SUPT3H: variants seen among roughly 807,000 people sequenced by gnomAD.
The protein encoded by SUPT3H is transcription initiation protein SPT3 homolog.
SUPT3H carries 44 observed loss-of-function variants against 44.3 expected under a neutral mutation model. The ratio of observed to expected loss-of-function variants is 0.99; its 90% CI spans 0.78 to 1.28. The LOEUF (loss-of-function observed/expected upper bound fraction) is 1.28. Among genes scored for constraint, SUPT3H ranks in the 50% most tolerant of loss-of-function variants. SUPT3H has a pLI of 0.00. For missense variants in SUPT3H, 380 were observed against 387.1 expected (o/e 0.98, Z 0.15); for synonymous variants, 124 against 125.6 (o/e 0.99, Z 0.09).
At chr6:45,099,351 TAA>T (rs34067326) in intron 3 of SUPT3H, 5,530 of 149,226 alleles carry the variant, frequency 0.037, 112 homozygotes, top group African/African-American at 0.05. Flanking sequence ...GTGTTTTTCT[TAA>T]AAAAAAAAAA....
At chr6:45,287,309 T>G (rs1001674522) in intron 2 of SUPT3H, among the ~76,000 whole-genome samples, 1 of 151,966 alleles carries the variant, frequency 6.6e-6, no homozygotes, top group Admixed American at 6.6e-5. Context: ...ATATCGGTAC[T>G]CTGATGTTCA....
chr6:45,109,538 G>A (rs1799750747), intron 2 of SUPT3H, among the ~76,000 whole-genome samples: 1 of 151,990 alleles, frequency 6.6e-6, no homozygotes, highest in Non-Finnish European at 1.5e-5. Context: ...ACACTGTAAA[G>A]TAAGTACCTA....
At chr6:45,155,885 T>C (rs1202656535) in intron 2 of SUPT3H, among the ~76,000 whole-genome samples, 5 of 152,126 alleles carry the variant, frequency 3.3e-5, no homozygotes, top group Admixed American at 3.3e-4. Context: ...CACTTATATA[T>C]AAATGATAGG....
chr6:44,829,573 C>A lies in SUPT3H; in HGVS notation c.*243G>T. ...ATTTCAAAACTGTGTGATCTGCATT[C>A]TTGTCCACCTACAGACTATCCTAAA... On this transcript the variant is annotated 3_prime_UTR_variant, in exon 11 of 11. Transcript: ENST00000371459. 1 of 427,726 alleles carries A rather than the reference C, an allele frequency of 2.3e-6. No homozygotes were observed. Among genetic ancestry groups the A allele is most frequent in the Non-Finnish European group, 4.2e-6 (1 of 239,002 alleles). The allele number at this position is 427,726 out of a possible 1,614,324, so 26.5% of individuals were successfully genotyped here.
At chr6:44,897,793 A>C (rs1171986221) in intron 10 of SUPT3H, among the ~76,000 whole-genome samples, 2 of 152,110 alleles carry the variant, frequency 1.3e-5, no homozygotes, top group Admixed American at 1.3e-4. Context: ...CCCCCAGTTA[A>C]GGGTATCTTT....
intron 6 of SUPT3H, among the ~76,000 whole-genome samples, chr6:44,964,464 T>C (rs900932194): frequency 7.2e-5 from 11 of 152,176 alleles, no homozygotes; most frequent in Admixed American, 2.0e-4. Context: ...TATGCTTACA[T>C]AGCTGATGTA....
At chr6:45,084,484 A>C (rs1796235773) in intron 3 of SUPT3H, among the ~76,000 whole-genome samples, 1 of 152,176 alleles carries the variant, frequency 6.6e-6, no homozygotes, top group African/African-American at 2.4e-5. Context: ...GCGAGGCTGC[A>C]AAGAAAAAGA....
chr6:45,175,626 T>A (rs1029562356), intron 2 of SUPT3H, among the ~76,000 whole-genome samples: 2 of 152,132 alleles, frequency 1.3e-5, no homozygotes, highest in Non-Finnish European at 2.9e-5. Flanking sequence ...ACTCATGAGT[T>A]TATTAAATAA....
chr6:44,829,119 G>C lies in SUPT3H; in HGVS notation c.*697C>G, dbSNP rs1768157517. 1 of 152,412 alleles carries C rather than the reference G, an allele frequency of 6.6e-6. No individual in the cohort carries two copies. The highest frequency in any genetic ancestry group is 2.4e-5 in the African/African-American group (1 of 41,452). 9.4% of individuals were successfully genotyped at this position (152,412 alleles called of 1,614,324 possible). A position where few individuals can be genotyped will look rare whatever the true frequency, so the allele number is the denominator to read the frequency against. On this transcript the variant is annotated 3_prime_UTR_variant, in exon 11 of 11. Transcript: ENST00000371459. ...GTGTATGGCATGTGCAGGAGTGGTG[G>C]ATCTGGGGATTGGAGGAACAGGAAA...
chr6:45,114,624 C>A (rs78351964), intron 2 of SUPT3H, among the ~76,000 whole-genome samples: 1 of 152,108 alleles, frequency 6.6e-6, no homozygotes, highest in Non-Finnish European at 1.5e-5. Flanking sequence ...ACAAAACTAG[C>A]AGAATATCTT....
At chr6:44,872,566 G>A (rs1221675083) in intron 10 of SUPT3H, among the ~76,000 whole-genome samples, 3 of 151,916 alleles carry the variant, frequency 2.0e-5, no homozygotes, top group East Asian at 1.9e-4. Context: ...AAAGACCATC[G>A]AGGCTAGGAA....
At chr6:44,952,481 CAG>C (rs200840646) in intron 9 of SUPT3H, among the ~76,000 whole-genome samples, 2,764 of 152,254 alleles carry the variant, frequency 0.018, 79 homozygotes, top group African/African-American at 0.062. Context: ...GGCTATAAAA[CAG>C]AGCTTAGCCA....
Position 44,937,900 on chromosome 6 carries a change from C to CTTTTT in SUPT3H, c.802-5142_802-5138dup, listed in dbSNP as rs746279156. Among the ~76,000 whole-genome samples the CTTTTT allele has an allele frequency of 5.1e-5, 3 of 59,060 alleles. 1 individual carries two copies. Among genetic ancestry groups the CTTTTT allele is most frequent in the African/African-American group, 2.3e-4 (3 of 13,252 alleles). 38.7% of individuals were successfully genotyped at this position (59,060 alleles called of 152,430 possible). A position where few individuals can be genotyped will look rare whatever the true frequency, so the allele number is the denominator to read the frequency against. On this transcript the variant is annotated intron_variant, in intron 9 of 10. Coordinates refer to ENST00000371459, the MANE Select transcript of SUPT3H (RefSeq NM_003599.4). The stretch of plus-strand genomic sequence containing the variant: ...ATTCTGCAGGTTCTTTGCTCACTAT[C>CTTTTT]TTTTTTTTTTTTTTTTTTTTTTTTT...
intron 2 of SUPT3H, among the ~76,000 whole-genome samples, chr6:45,180,000 A>G (rs1332057061): frequency 7.9e-5 from 12 of 152,096 alleles, no homozygotes; most frequent in Non-Finnish European, 1.3e-4. Flanking sequence ...CCTTAAGCTG[A>G]TAAGCAACTT....
At chr6:45,335,464 C>G (rs1252640554) in intron 2 of SUPT3H, among the ~76,000 whole-genome samples, 2 of 151,164 alleles carry the variant, frequency 1.3e-5, no homozygotes, top group African/African-American at 4.8e-5. Context: ...TCTCTTCAAT[C>G]AATTACAATT....
chr6:45,091,116 A>G (rs966238923), intron 3 of SUPT3H, among the ~76,000 whole-genome samples: 1 of 151,898 alleles, frequency 6.6e-6, no homozygotes, highest in African/African-American at 2.4e-5. Flanking sequence ...CTATCAAATG[A>G]TTTCTATTTT....
intron 3 of SUPT3H, among the ~76,000 whole-genome samples, chr6:45,068,883 C>G (rs991421753): frequency 6.6e-6 from 1 of 151,576 alleles, no homozygotes; most frequent in Non-Finnish European, 1.5e-5. Context: ...GTAGAATGTT[C>G]GTTCCATTGA....
At chr6:45,255,967 C>T (rs565611652) in intron 2 of SUPT3H, among the ~76,000 whole-genome samples, 24 of 152,156 alleles carry the variant, frequency 1.6e-4, no homozygotes, top group Non-Finnish European at 8.8e-5. Flanking sequence ...GTCAGGAGAT[C>T]GAGACCATCC....
chr6:44,906,811 A>T (rs934817141), intron 10 of SUPT3H, among the ~76,000 whole-genome samples: 3 of 152,156 alleles, frequency 2.0e-5, no homozygotes, highest in African/African-American at 7.2e-5. Context: ...GTATTGTTTT[A>T]TTATCTCAAA....
Sources: allele counts gnomAD v4.1 joint callset (sites outside exome capture counted in the v4.1 genomes callset), GRCh38; gene constraint gnomAD v4.1.1; transcripts MANE v1.5; gene names NCBI Gene and HGNC (gene_info 2026-07-23, HGNC 2026-07-21).